RALYL: variants seen among roughly 807,000 people sequenced by gnomAD.
RALYL encodes RNA-binding Raly-like protein.
A neutral mutation model predicts 35.1 loss-of-function variants in RALYL; 29 were observed. That is an observed-to-expected ratio of 0.83 (90% confidence interval 0.61 to 1.13). The LOEUF (loss-of-function observed/expected upper bound fraction) is 1.13. Among genes scored for constraint, RALYL ranks in the 50% most tolerant of loss-of-function variants. The probability of loss-of-function intolerance (pLI) is 0.00; values close to 1 mark genes in which losing one functional copy is unlikely to be tolerated. For synonymous variants in RALYL, 120 were observed against 127.6 expected, an observed-to-expected ratio of 0.94 and a Z score of 0.40; for missense variants, 359 against 360.4, an observed-to-expected ratio of 1.00 and a Z score of 0.03.
chr8:84,619,315 T>C (rs1239171467), intron 2 of RALYL, among the ~76,000 whole-genome samples: 1 of 151,622 alleles, frequency 6.6e-6, no homozygotes, highest in Non-Finnish European at 1.5e-5. Context: ...AGTTAGCTCT[T>C]CTTGTTGAAT....
In RALYL at chr8:84,649,565, G is replaced by C. The variant is rs1415600824; in HGVS notation, c.256+119988G>C. On this transcript the variant is annotated intron_variant, in intron 2 of 8. Coordinates refer to ENST00000521268, the MANE Select transcript of RALYL (RefSeq NM_173848.7). Reference sequence around the variant, plus strand: ...CCTTTCCCCATTGCTTGTTTTTCTCGGGTTTGTCAAGGATCAGATAGTTGT... The same window carrying C: ...CCTTTCCCCATTGCTTGTTTTTCTCCGGTTTGTCAAGGATCAGATAGTTGT... 4.0e-5 allele frequency among the ~76,000 whole-genome samples: 6 copies of C among 151,766 alleles called. No homozygotes were observed. In the East Asian group the frequency reaches 1.2e-3, roughly 29 times the overall value.
chr8:84,298,274 C>T (rs139400585), intron 1 of RALYL, among the ~76,000 whole-genome samples: 10 of 152,148 alleles, frequency 6.6e-5, no homozygotes, highest in Admixed American at 2.6e-4. Context: ...ATCCCAGCAC[C>T]ATTTATTGAA....
chr8:84,502,541 TA>T (rs980789938), intron 1 of RALYL, among the ~76,000 whole-genome samples: 2 of 152,058 alleles, frequency 1.3e-5, no homozygotes, highest in East Asian at 1.9e-4. Flanking sequence ...GATAAACCTA[TA>T]AAAAATAGAA....
At chr8:84,714,780 T>C (rs1293892629) in intron 2 of RALYL, among the ~76,000 whole-genome samples, 2 of 151,766 alleles carry the variant, frequency 1.3e-5, no homozygotes, top group African/African-American at 4.8e-5. Context: ...TACCAGCTAT[T>C]GCATAAGTGG....
chr8:84,609,977 T>C (rs1817939833), intron 2 of RALYL, among the ~76,000 whole-genome samples: 1 of 152,036 alleles, frequency 6.6e-6, no homozygotes, highest in African/African-American at 2.4e-5. Context: ...ATGAGACTTA[T>C]TCACTATCAT....
chr8:84,453,951 T>C (rs1211976388), intron 1 of RALYL, among the ~76,000 whole-genome samples: 1 of 152,056 alleles, frequency 6.6e-6, no homozygotes, highest in Non-Finnish European at 1.5e-5. Context: ...TGTAGGCTAA[T>C]TCAATCTCAA....
chr8:84,620,502 G>A (rs1287400661), intron 2 of RALYL, among the ~76,000 whole-genome samples: 1 of 151,916 alleles, frequency 6.6e-6, no homozygotes, highest in Non-Finnish European at 1.5e-5. Context: ...CTTCTAAATT[G>A]TTTTCAAAGT....
At chr8:84,596,100 G>T (rs1814463741) in intron 2 of RALYL, among the ~76,000 whole-genome samples, 1 of 152,058 alleles carries the variant, frequency 6.6e-6, no homozygotes. Flanking sequence ...TACATAAATT[G>T]TGACACCTAA....
chr8:84,351,745 G>A (rs909061660), intron 1 of RALYL, among the ~76,000 whole-genome samples: 4 of 150,154 alleles, frequency 2.7e-5, no homozygotes, highest in African/African-American at 9.9e-5. Context: ...GTACAGTATG[G>A]TTGTTCCATA....
intron 3 of RALYL, among the ~76,000 whole-genome samples, chr8:84,781,415 C>A (rs1937468715): frequency 6.6e-6 from 1 of 152,110 alleles, no homozygotes; most frequent in African/African-American, 2.4e-5. Flanking sequence ...CTCTGCTAGG[C>A]TAAAGAATGG....
chr8:84,690,225 A>T (rs1037959608), intron 2 of RALYL, among the ~76,000 whole-genome samples: 1 of 152,172 alleles, frequency 6.6e-6, no homozygotes, highest in Non-Finnish European at 1.5e-5. Context: ...CTTGTCTTTT[A>T]TAACCACATG....
chr8:84,654,801 T>C (rs1041998478), intron 2 of RALYL, among the ~76,000 whole-genome samples: 1 of 152,198 alleles, frequency 6.6e-6, no homozygotes, highest in Non-Finnish European at 1.5e-5. Flanking sequence ...ATTGTGTGTA[T>C]GTACCACATT....
intron 6 of RALYL, 181 bp from the exon 7 acceptor site, chr8:84,873,103 T>C (rs1001197916): frequency 6.9e-6 from 3 of 434,792 alleles, no homozygotes; most frequent in East Asian, 6.9e-5. Context: ...GTATTTGTAA[T>C]TGGCAAAATC....
chr8:84,759,949 G>T (rs1812303374), intron 2 of RALYL, among the ~76,000 whole-genome samples: 1 of 152,102 alleles, frequency 6.6e-6, no homozygotes, highest in African/African-American at 2.4e-5. Flanking sequence ...CTTTCAGGCA[G>T]GTACCCAGCA....
intron 1 of RALYL, among the ~76,000 whole-genome samples, chr8:84,522,442 G>T (rs923365328): frequency 5.3e-5 from 8 of 151,638 alleles, no homozygotes; most frequent in Non-Finnish European, 1.2e-4. Flanking sequence ...GTAGAGACGG[G>T]GTTTCACCGT....
chr8:84,552,458 G>C (rs2060813186), intron 2 of RALYL, among the ~76,000 whole-genome samples: 4 of 134,002 alleles, frequency 3.0e-5, no homozygotes, highest in African/African-American at 1.1e-4. Flanking sequence ...GGATGACTCT[G>C]TCTCCAATAT....
intron 8 of RALYL, among the ~76,000 whole-genome samples, chr8:84,914,639 AAAGTT>A (rs1250852201): frequency 1.3e-5 from 2 of 152,082 alleles, no homozygotes; most frequent in African/African-American, 4.8e-5. Flanking sequence ...ATTTTACTAT[AAAGTT>A]AATTGTTCTT....
chr8:84,396,499 C>G lies in RALYL; in HGVS notation c.-23-132800C>G, dbSNP rs186196083. On this transcript the variant is annotated intron_variant, in intron 1 of 8. Transcript: ENST00000521268. Reference sequence around the variant, plus strand: ...ATTCATTCAATAAACATTAAAGAACCCTTGTTCATGTTCCAGACACTGGGT... The same window carrying G: ...ATTCATTCAATAAACATTAAAGAACGCTTGTTCATGTTCCAGACACTGGGT... 4.1e-3 allele frequency among the ~76,000 whole-genome samples: 630 copies of G among 152,020 alleles called. 6 individuals are homozygous for G. Among genetic ancestry groups the G allele is most frequent in the African/African-American group, 0.014 (594 of 41,482 alleles).
intron 7 of RALYL, among the ~76,000 whole-genome samples, chr8:84,873,599 G>A (rs1840617040): frequency 6.6e-6 from 1 of 152,076 alleles, no homozygotes; most frequent in Admixed American, 6.6e-5. Context: ...TTTTTCTAAG[G>A]TTCATACTAA....
Sources: gnomAD v4.1 joint callset for allele counts (sites outside exome capture counted in the v4.1 genomes callset) on GRCh38, gnomAD v4.1.1 for gene constraint, MANE v1.5 for transcripts, NCBI Gene and HGNC (gene_info 2026-07-23, HGNC 2026-07-21) for gene names.